Variants in THADA observed in about 807,000 individuals in gnomAD.
THADA encodes tRNA (32-2'-O)-methyltransferase regulator THADA.
A neutral mutation model predicts 219.8 loss-of-function variants in THADA; 213 were observed. That is an observed-to-expected ratio of 0.97 (90% confidence interval 0.87 to 1.09). The LOEUF is 1.09. THADA is among the 50% of genes least tolerant of loss of function. The pLI is 0.00. For missense variants in THADA, 2,956 were observed against 2,311.3 expected (o/e 1.28, Z -5.72); for synonymous variants, 1,018 against 828.9 (o/e 1.23, Z -3.92).
In THADA at chr2:43,494,069, A is replaced by G. The variant is rs77058936; in HGVS notation, c.3744+4764T>C. Among the ~76,000 whole-genome samples, 159 of 152,356 alleles carry G rather than the reference A, an allele frequency of 1.0e-3. 1 individual carries two copies. Among genetic ancestry groups the G allele is most frequent in the African/African-American group, 3.8e-3 (156 of 41,590 alleles). On this transcript the variant is annotated intron_variant, in intron 25 of 37. Transcript: ENST00000405975. ...GGTTCATCCAGCCACTTTCAGACTC[A>G]GATGAGATGCCACATCACTGGACAT...
intron 28 of THADA, among the ~76,000 whole-genome samples, chr2:43,401,384 T>C (rs1406064347): frequency 6.6e-6 from 1 of 152,196 alleles, no homozygotes; most frequent in Admixed American, 6.5e-5. Context: ...GTTCACGCCA[T>C]TCTCCTGCCT....
In THADA at chr2:43,591,958, A is replaced by G; in HGVS notation, c.165T>C (p.Ile55=). Residue 55 remains isoleucine, a synonymous_variant, in exon 3 of 38, where the codon ATT becomes ATC. Coordinates refer to ENST00000405975, the MANE Select transcript of THADA (RefSeq NM_022065.5). ...LTDGVSQIHY[I]KQIVPLLEKA... ...AATATCAATTCAGACTTACCTGTTTAATATAATGGATTTGTGACACTCCAT... is the reference window on the plus strand; with the variant it reads ...AATATCAATTCAGACTTACCTGTTTGATATAATGGATTTGTGACACTCCAT... The G allele has an allele frequency of 6.5e-6, 10 of 1,538,014 alleles. No homozygotes were observed. Among genetic ancestry groups the G allele is most frequent in the Non-Finnish European group, 8.8e-6 (10 of 1,139,472 alleles).
Position 43,501,546 on chromosome 2 carries a change from A to G in THADA, c.3622-2591T>C, listed in dbSNP as rs185155618. On this transcript the variant is annotated intron_variant, in intron 24 of 37. Coordinates refer to ENST00000405975, the MANE Select transcript of THADA (RefSeq NM_022065.5). ...GCTAATTCTAAAATTTTTATGGAAC[A>G]GCAATAGGACAAACATACCCAAGGT... is the stretch of plus-strand genomic sequence containing the variant. Among the ~76,000 whole-genome samples the G allele has an allele frequency of 3.7e-3, 569 of 152,278 alleles. 3 individuals carry two copies. The highest frequency in any genetic ancestry group is 4.5e-3 in the Non-Finnish European group (304 of 68,014).
chr2:43,566,547 A>G (rs777038134), intron 15 of THADA, 151 bp downstream of exon 15: 5 of 900,280 alleles, frequency 5.6e-6, no homozygotes. Flanking sequence ...TTTACTAGCA[A>G]ATTTCATTAT....
chr2:43,353,935 A>G (rs1038380007), intron 29 of THADA, among the ~76,000 whole-genome samples: 2 of 151,596 alleles, frequency 1.3e-5, no homozygotes, highest in African/African-American at 4.9e-5. Context: ...CTCCTGCCTC[A>G]GCCTCCCGAG....
At chr2:43,285,147 G>A (rs565865097) in intron 35 of THADA, among the ~76,000 whole-genome samples, 3 of 152,290 alleles carry the variant, frequency 2.0e-5, no homozygotes, top group African/African-American at 4.8e-5. Context: ...GCTGAAATGA[G>A]CTGAACCTGG....
At chr2:43,409,799 TG>T (rs1276754709) in intron 28 of THADA, among the ~76,000 whole-genome samples, 3 of 151,980 alleles carry the variant, frequency 2.0e-5, no homozygotes, top group African/African-American at 7.3e-5. Flanking sequence ...GCAGCAGGAT[TG>T]CTTGGGGCCA....
At chr2:43,549,432 G>A (rs937400627) in intron 19 of THADA, 64 bp from the exon 20 acceptor site, 1 of 1,479,782 alleles carries the variant, frequency 6.8e-7, no homozygotes, top group Non-Finnish European at 9.0e-7. Flanking sequence ...TTTCCCTTGG[G>A]GATGCTTACT....
At chr2:43,580,742 T>A (rs1028327547) in intron 8 of THADA, among the ~76,000 whole-genome samples, 4 of 151,520 alleles carry the variant, frequency 2.6e-5, no homozygotes, top group African/African-American at 9.7e-5. Context: ...TAGCCAGGCG[T>A]GGTGGTGCAT....
chr2:43,359,836 C>T (rs1392571304), intron 29 of THADA, among the ~76,000 whole-genome samples: 2 of 151,148 alleles, frequency 1.3e-5, no homozygotes, highest in African/African-American at 4.9e-5. Context: ...GTTGCCCAGG[C>T]TGGACTCAAA....
chr2:43,451,309 C>T (rs1162454617), intron 26 of THADA, among the ~76,000 whole-genome samples: 1 of 152,166 alleles, frequency 6.6e-6, no homozygotes, highest in Non-Finnish European at 1.5e-5. Context: ...TAAAGTGAAA[C>T]TCTGAACAGC....
intron 26 of THADA, among the ~76,000 whole-genome samples, chr2:43,451,122 C>A (rs1682261420): frequency 6.6e-6 from 1 of 152,088 alleles, no homozygotes; most frequent in South Asian, 2.1e-4. Context: ...TATTTTACCA[C>A]AATAAAAAAT....
chr2:43,552,835 G>A (rs1469832929), intron 17 of THADA, among the ~76,000 whole-genome samples: 2 of 150,026 alleles, frequency 1.3e-5, no homozygotes, highest in Admixed American at 6.6e-5. Context: ...AAACTTACCC[G>A]TTAGCAGTCA....
At chr2:43,483,359 A>G (rs920562967) in intron 26 of THADA, among the ~76,000 whole-genome samples, 1 of 152,218 alleles carries the variant, frequency 6.6e-6, no homozygotes, top group African/African-American at 2.4e-5. Context: ...TAAAACTAAA[A>G]GAACCATCAC....
At chr2:43,544,012 G>A (rs1236256275) in intron 20 of THADA, among the ~76,000 whole-genome samples, 1 of 152,156 alleles carries the variant, frequency 6.6e-6, no homozygotes, top group Non-Finnish European at 1.5e-5. Flanking sequence ...TAGGTCTAAA[G>A]TTTAAGTCTT....
At chr2:43,279,087 C>T (rs1673048056) in intron 36 of THADA, among the ~76,000 whole-genome samples, 1 of 152,212 alleles carries the variant, frequency 6.6e-6, no homozygotes, top group African/African-American at 2.4e-5. Flanking sequence ...CCATCTCTTT[C>T]ATCCAGCAGC....
At chr2:43,444,740 G>A (rs1573680247) in intron 26 of THADA, among the ~76,000 whole-genome samples, 2 of 152,010 alleles carry the variant, frequency 1.3e-5, no homozygotes, top group African/African-American at 4.8e-5. Flanking sequence ...TGGGGGGGGA[G>A]GTATCCACAC....
chr2:43,361,989 A>G (rs921402546), intron 29 of THADA, among the ~76,000 whole-genome samples: 1 of 152,234 alleles, frequency 6.6e-6, no homozygotes, highest in Non-Finnish European at 1.5e-5. Flanking sequence ...ATCCAGAGGT[A>G]TAATTTCTAG....
Position 43,505,670 on chromosome 2 carries a change from T to G in THADA, c.3573A>C (p.Leu1191Phe). 6.3e-7 allele frequency: 1 copy of G among 1,597,668 alleles called. No individual in the cohort carries two copies. Among genetic ancestry groups the G allele is most frequent in the Non-Finnish European group, 8.5e-7 (1 of 1,171,028 alleles). ...MDLLKITMKE[L>F]ISLAGPTDDI... The stretch of plus-strand genomic sequence containing the variant: ...CATCTGTAGGCCCAGCCAAAGAGAT[T>G]AACTCTTTCATTGTTATTTTCAACA... The change falls in exon 24 of 38, where the codon TTA (leucine) becomes TTC (phenylalanine). Residue 1191 changes from leucine (L) to phenylalanine (F), a missense_variant. By Grantham distance (22) the Leu-to-Phe change is conservative (BLOSUM62 0). Coordinates refer to ENST00000405975, the MANE Select transcript of THADA (RefSeq NM_022065.5).
Sources: gnomAD v4.1 joint callset for allele counts (sites outside exome capture counted in the v4.1 genomes callset) on GRCh38, gnomAD v4.1.1 for gene constraint, MANE v1.5 for transcripts, NCBI Gene and HGNC (gene_info 2026-07-23, HGNC 2026-07-21) for gene names.